Variants in GMEB1 observed in about 807,000 individuals in gnomAD.
GMEB1 encodes the protein glucocorticoid modulatory element-binding protein 1.
In GMEB1, 6 loss-of-function variants were observed where a neutral mutation model predicts 52.4. That is an observed-to-expected ratio of 0.11 (90% CI 0.06 to 0.23). The LOEUF is 0.23. Ranked by LOEUF, GMEB1 falls within the 10% of genes least tolerant of loss-of-function variation. The pLI is 1.00. For synonymous variants in GMEB1, 255 were observed against 244.9 expected, an observed-to-expected ratio of 1.04 and a Z score of -0.38; for missense variants, 486 against 685.6, an observed-to-expected ratio of 0.71 and a Z score of 3.25.
At chr1:28,683,199 C>T (rs1039001048) in intron 1 of GMEB1, among the ~76,000 whole-genome samples, 5 of 151,968 alleles carry the variant, frequency 3.3e-5, no homozygotes, top group African/African-American at 1.2e-4. Flanking sequence ...GCAGTCCTTT[C>T]ATATGGTTGA....
chr1:28,708,260 G>A (rs1570435138), intron 8 of GMEB1, among the ~76,000 whole-genome samples: 1 of 151,856 alleles, frequency 6.6e-6, no homozygotes, highest in Non-Finnish European at 1.5e-5. Flanking sequence ...CACCTCCCAG[G>A]TTCACACCAT....
At chr1:28,681,788 C>G (rs1041714655) in intron 1 of GMEB1, among the ~76,000 whole-genome samples, 2 of 152,002 alleles carry the variant, frequency 1.3e-5, no homozygotes, top group African/African-American at 4.8e-5. Flanking sequence ...CCGCAATCTC[C>G]ACCTCCTGGG....
At chr1:28,671,911 G>C (rs1030297871) in intron 1 of GMEB1, among the ~76,000 whole-genome samples, 4 of 151,682 alleles carry the variant, frequency 2.6e-5, no homozygotes, top group Admixed American at 2.0e-4. Context: ...GAGGTCAGGA[G>C]TTTGAGACCC....
intron 6 of GMEB1, among the ~76,000 whole-genome samples, chr1:28,698,401 C>T (rs1273029693): frequency 1.3e-5 from 2 of 150,920 alleles, no homozygotes; most frequent in Non-Finnish European, 3.0e-5. Context: ...GAAGCCTGGG[C>T]ATGGTGGCTC....
chr1:28,679,139 C>CTCCCAAAA (rs1669286445), intron 1 of GMEB1, among the ~76,000 whole-genome samples: 1 of 151,674 alleles, frequency 6.6e-6, no homozygotes, highest in South Asian at 2.1e-4. Flanking sequence ...CCGTCTCGAC[C>CTCCCAAAA]TCCCAAAATG....
intron 1 of GMEB1, among the ~76,000 whole-genome samples, chr1:28,678,980 G>C (rs1669278347): frequency 6.6e-6 from 1 of 152,048 alleles, no homozygotes; most frequent in Non-Finnish European, 1.5e-5. Flanking sequence ...CCGTGATCTT[G>C]GCCCACTGTA....
intron 1 of GMEB1, among the ~76,000 whole-genome samples, chr1:28,681,828 A>G (rs893597578): frequency 6.6e-6 from 1 of 151,772 alleles, no homozygotes; most frequent in Non-Finnish European, 1.5e-5. Context: ...TCAGCCTCTC[A>G]AGTAGCTCAG....
At chr1:28,699,423 T>C (rs576817122) in intron 6 of GMEB1, among the ~76,000 whole-genome samples, 46 of 152,042 alleles carry the variant, frequency 3.0e-4, no homozygotes, top group Middle Eastern at 3.2e-3. Flanking sequence ...ACACTGTGCT[T>C]GTAAATTGAC....
chr1:28,697,892 C>T lies in GMEB1; in HGVS notation c.598+808C>T, dbSNP rs371013828. Reference sequence around the variant, plus strand: ...CGGTGGCTCACGCCTGTAATCCCAGCACTTTGGGAGGCTGAGGCAGGCGGA... The same window carrying T: ...CGGTGGCTCACGCCTGTAATCCCAGTACTTTGGGAGGCTGAGGCAGGCGGA... On this transcript the variant is annotated intron_variant, in intron 6 of 9. Coordinates refer to ENST00000373816, the MANE Select transcript of GMEB1 (RefSeq NM_001319674.2). Among the ~76,000 whole-genome samples the T allele has an allele frequency of 7.8e-3, 1,186 of 152,220 alleles. 10 individuals are homozygous for T. The highest frequency in any genetic ancestry group is 0.025 in the African/African-American group (1,044 of 41,552).
At chr1:28,701,330 C>T (rs1191243309) in intron 6 of GMEB1, among the ~76,000 whole-genome samples, 2 of 144,914 alleles carry the variant, frequency 1.4e-5, no homozygotes, top group Non-Finnish European at 3.0e-5. Context: ...AGTCCAGTGG[C>T]GCGATCTCGG....
chr1:28,700,418 G>A (rs1241318253), intron 6 of GMEB1, among the ~76,000 whole-genome samples: 1 of 151,592 alleles, frequency 6.6e-6, no homozygotes, highest in Non-Finnish European at 1.5e-5. Context: ...GGAGGCTGAG[G>A]CAGGAGAATG....
At chr1:28,683,790 G>A (rs753228745) in intron 2 of GMEB1, 50 bp downstream of exon 2, 4 of 1,573,726 alleles carry the variant, frequency 2.5e-6, no homozygotes, top group Non-Finnish European at 3.5e-6. Context: ...GAAGCTTCAA[G>A]GGTGGGGAAA....
intron 1 of GMEB1, among the ~76,000 whole-genome samples, chr1:28,682,240 C>A (rs1669423400): frequency 6.6e-6 from 1 of 152,000 alleles, no homozygotes; most frequent in Non-Finnish European, 1.5e-5. Context: ...AGTCAAGGAG[C>A]ACATGGTGCT....
Position 28,691,610 on chromosome 1 carries a change from G to A in GMEB1, c.237G>A (p.Glu79=), listed in dbSNP as rs1366947489. 1.3e-6 allele frequency: 2 copies of A among 1,565,666 alleles called. No homozygotes were observed. Among genetic ancestry groups the A allele is most frequent in the Admixed American group, 3.4e-5 (2 of 58,250 alleles). Reference sequence around the variant, plus strand: ...ATACAGGCACTATAGAAGCAAATGAGGATATGGAAATTGCTTACCCCATAA... The same window carrying A: ...ATACAGGCACTATAGAAGCAAATGAAGATATGGAAATTGCTTACCCCATAA... ...GIDTGTIEAN[E]DMEIAYPITC... is the part of the protein sequence containing the mutation. Residue 79 remains glutamate, a synonymous_variant, in exon 4 of 10, where the codon GAG becomes GAA. Transcript: ENST00000373816.
intron 6 of GMEB1, among the ~76,000 whole-genome samples, chr1:28,700,058 C>CAAAAA (rs34231884): frequency 1.6e-5 from 1 of 61,132 alleles, no homozygotes; most frequent in Admixed American, 1.9e-4. Context: ...GACCCTGTCT[C>CAAAAA]AAAAAAAAAA....
intron 6 of GMEB1, among the ~76,000 whole-genome samples, chr1:28,697,357 C>T (rs896239959): frequency 9.2e-5 from 14 of 151,646 alleles, no homozygotes; most frequent in Non-Finnish European, 1.6e-4. Flanking sequence ...TACAGGCATG[C>T]GCCACCACAC....
At chr1:28,709,814 A>G (rs1420260526) in intron 8 of GMEB1, among the ~76,000 whole-genome samples, 1 of 151,838 alleles carries the variant, frequency 6.6e-6, no homozygotes, top group African/African-American at 2.4e-5. Flanking sequence ...TTTGTTAGAG[A>G]CTGGGATTAC....
intron 3 of GMEB1, among the ~76,000 whole-genome samples, chr1:28,691,150 G>A (rs1032166040): frequency 4.0e-5 from 6 of 151,654 alleles, no homozygotes; most frequent in Admixed American, 2.6e-4. Context: ...AATTAGCCGG[G>A]CGTGGTGGTG....
intron 4 of GMEB1, 142 bp downstream of exon 4, chr1:28,691,851 T>TATTTA: frequency 1.0e-5 from 2 of 194,844 alleles, no homozygotes; most frequent in Non-Finnish European, 9.6e-6. Context: ...TTTATTTATT[T>TATTTA]TGTGGCTATT....
Sources: gnomAD v4.1 joint callset for allele counts (sites outside exome capture counted in the v4.1 genomes callset) on GRCh38, gnomAD v4.1.1 for gene constraint, MANE v1.5 for transcripts, NCBI Gene and HGNC (gene_info 2026-07-23, HGNC 2026-07-21) for gene names.